The following ZNF654 variants were observed in gnomAD, a reference collection of about 807,000 sequenced individuals.
The protein encoded by ZNF654 is melanoma-associated antigen.
ZNF654 carries 19 observed loss-of-function variants against 95.3 expected under a neutral mutation model. The observed-to-expected ratio is 0.20, with a 90% CI of 0.14 to 0.29. The LOEUF is 0.29. Ranked by LOEUF, ZNF654 falls within the 10% of genes least tolerant of loss-of-function variation. The pLI, the probability that ZNF654 is intolerant of heterozygous loss-of-function variation, is 1.00. For missense variants in ZNF654, 1,046 were observed against 1,341.0 expected, an observed-to-expected ratio of 0.78 and a Z score of 3.44; for synonymous variants, 413 against 457.9, an observed-to-expected ratio of 0.90 and a Z score of 1.25.
At position 88,086,327 on chromosome 3, in the gene ZNF654, G is replaced by C. The variant is rs1187273675; in HGVS notation, c.257G>C (p.Cys86Ser). 1 of 1,535,040 alleles carries C rather than the reference G, an allele frequency of 6.5e-7. No individual in the cohort carries two copies. Among genetic ancestry groups the C allele is most frequent in the Non-Finnish European group, 8.7e-7 (1 of 1,146,702 alleles). The change falls in exon 2 of 9, where the codon TGT (cysteine) becomes TCT (serine). Residue 86 changes from cysteine (C) to serine (S), a missense_variant. Transcript: ENST00000636215. ...PQLQVLQTALCCFTTASASFP... is the reference protein window; with the variant it reads ...PQLQVLQTALSCFTTASASFP... ...CTTCAGGTTCTTCAGACTGCCCTTT[G>C]TTGTTTTACAACAGCCAGTGCATCA...
intron 1 of ZNF654, among the ~76,000 whole-genome samples, chr3:88,074,256 G>C (rs1707672714): frequency 6.6e-6 from 1 of 151,996 alleles, no homozygotes; most frequent in South Asian, 2.1e-4. Flanking sequence ...AGGAGCTGCA[G>C]CTTGGGTTTT....
chr3:88,099,209 C>T (rs1184663922), intron 2 of ZNF654, among the ~76,000 whole-genome samples: 2 of 152,170 alleles, frequency 1.3e-5, no homozygotes, highest in African/African-American at 4.8e-5. Context: ...AGAGCCAAAT[C>T]ATGAGTGAAC....
chr3:88,135,327 C>A, intron 7 of ZNF654, 125 bp downstream of exon 7: 1 of 706,998 alleles, frequency 1.4e-6, no homozygotes, highest in Non-Finnish European at 2.1e-6. Context: ...AGGCCACATT[C>A]TCCATACATT....
chr3:88,099,850 A>T (rs752224199), intron 2 of ZNF654, among the ~76,000 whole-genome samples: 89 of 152,374 alleles, frequency 5.8e-4, no homozygotes, highest in Non-Finnish European at 9.8e-4. Context: ...CTTAAATGTT[A>T]GACCTAAAAC....
intron 2 of ZNF654, among the ~76,000 whole-genome samples, chr3:88,104,617 C>T (rs1704622599): frequency 6.6e-6 from 1 of 152,066 alleles, no homozygotes; most frequent in Non-Finnish European, 1.5e-5. Flanking sequence ...CCTAAAGCAC[C>T]ATAATATTAT....
At chr3:88,101,563 ATATAT>A (rs1179597589) in intron 2 of ZNF654, among the ~76,000 whole-genome samples, 4 of 152,110 alleles carry the variant, frequency 2.6e-5, no homozygotes, top group Admixed American at 6.6e-5. Flanking sequence ...CAGTATATGG[ATATAT>A]TATATTTTAT....
Position 88,086,354 on chromosome 3 carries a change from T to A in ZNF654, c.284T>A (p.Phe95Tyr). ...TGTTTTACAACAGCCAGTGCATCATTCCCAGATGAATGTGAGCATGTACAA... is the reference window on the plus strand; with the variant it reads ...TGTTTTACAACAGCCAGTGCATCATACCCAGATGAATGTGAGCATGTACAA... ...LCCFTTASASFPDECEHVQYV... is the reference protein window; with the variant it reads ...LCCFTTASASYPDECEHVQYV... The change falls in exon 2 of 9, where the codon TTC becomes TAC. Residue 95 changes from phenylalanine (F) to tyrosine (Y), a missense_variant. By Grantham distance (22) the Phe-to-Tyr change is conservative (BLOSUM62 3). Transcript: ENST00000636215. The A allele has an allele frequency of 6.5e-7, 1 of 1,535,670 alleles. No individual in the cohort carries two copies. The highest frequency in any genetic ancestry group is 8.7e-7 in the Non-Finnish European group (1 of 1,146,718).
chr3:88,134,185 ACTC>A (rs1187611660), intron 6 of ZNF654, among the ~76,000 whole-genome samples: 1 of 151,650 alleles, frequency 6.6e-6, no homozygotes, highest in Non-Finnish European at 1.5e-5. Flanking sequence ...TGGTTTTACT[ACTC>A]ATATGTTGCT....
At chr3:88,083,945 A>ATATATATATATATATATATATATATATG (rs1708212375) in intron 1 of ZNF654, among the ~76,000 whole-genome samples, 1 of 4,768 alleles carries the variant, frequency 2.1e-4, no homozygotes, top group Non-Finnish European at 1.4e-3. Flanking sequence ...CTTATTTTAT[A>ATATATATATATATATATATATATATATG]TATATATATA....
In ZNF654 at chr3:88,102,519, C is replaced by T. The variant is rs57722356; in HGVS notation, c.333-10596C>T. ...AAGCGTGATGAAGGTCTTTTTGTGT[C>T]TTCCATTTCTTTACTTAACATGGTT... On this transcript the variant is annotated intron_variant, in intron 2 of 8. Coordinates refer to ENST00000636215, the MANE Select transcript of ZNF654 (RefSeq NM_001350134.2). Among the ~76,000 whole-genome samples, 463 of 152,238 alleles carry T rather than the reference C, an allele frequency of 3.0e-3. 3 individuals carry two copies. Among genetic ancestry groups the T allele is most frequent in the African/African-American group, 0.011 (445 of 41,542 alleles).
intron 4 of ZNF654, 98 bp from the exon 5 acceptor site, chr3:88,128,706 TAAATC>T: frequency 1.3e-6 from 1 of 763,526 alleles, no homozygotes; most frequent in Non-Finnish European, 2.0e-6. Flanking sequence ...TTTAAGTAGT[TAAATC>T]TAATTAGAAA....
chr3:88,139,909 A>G lies in ZNF654; in HGVS notation c.2240A>G (p.Lys747Arg), dbSNP rs536331654. The G allele has an allele frequency of 6.2e-7, 1 of 1,613,502 alleles. No homozygotes were observed. Among genetic ancestry groups the G allele is most frequent in the East Asian group, 2.2e-5 (1 of 44,856 alleles). ...GCCACAGATCAAGAAGGAAACTTTA[A>G]GTGTCCTGCTCTTGGTTGTGTCCGG... Reference protein sequence around the residue: ...IYATDQEGNFKCPALGCVRIF... With the variant: ...IYATDQEGNFRCPALGCVRIF... The change falls in exon 8 of 9, where the codon AAG (lysine) becomes AGG (arginine). Residue 747 changes from lysine (K) to arginine (R), a missense_variant. Coordinates refer to ENST00000636215, the MANE Select transcript of ZNF654 (RefSeq NM_001350134.2).
chr3:88,060,562 G>A (rs1706814729), intron 1 of ZNF654, among the ~76,000 whole-genome samples: 1 of 152,084 alleles, frequency 6.6e-6, no homozygotes, highest in Non-Finnish European at 1.5e-5. Flanking sequence ...TCAGATTCTG[G>A]CTCCACCATC....
rs1421071596 is a variant in ZNF654 at position 88,144,608 on chromosome 3, G to T, written c.*2956G>T. On this transcript the variant is annotated 3_prime_UTR_variant, in exon 9 of 9. Transcript: ENST00000636215. ...AATCAACAATAGTGTCTCATTTCAAGAAATTTTTTGTACTGTACATAGATT... is the reference window on the plus strand; with the variant it reads ...AATCAACAATAGTGTCTCATTTCAATAAATTTTTTGTACTGTACATAGATT... The T allele has an allele frequency of 1.3e-5, 2 of 152,320 alleles. No homozygotes were observed. The highest frequency in any genetic ancestry group is 2.9e-5 in the Non-Finnish European group (2 of 67,832). 9.4% of individuals were successfully genotyped at this position (152,320 alleles called of 1,614,324 possible). A position where few individuals can be genotyped will look rare whatever the true frequency, so the allele number is the denominator to read the frequency against.
At position 88,086,318 on chromosome 3, in the gene ZNF654, C is replaced by A; in HGVS notation, c.248C>A (p.Thr83Asn). 1 of 1,534,938 alleles carries A rather than the reference C, an allele frequency of 6.5e-7. No individual in the cohort carries two copies. Among genetic ancestry groups the A allele is most frequent in the Non-Finnish European group, 8.7e-7 (1 of 1,146,722 alleles). ...TTGCCACAGCTTCAGGTTCTTCAGA[C>A]TGCCCTTTGTTGTTTTACAACAGCC... is the stretch of plus-strand genomic sequence containing the variant. ...VPLPQLQVLQ[T>N]ALCCFTTASA... Residue 83 changes from threonine to asparagine, a missense_variant, in exon 2 of 9, where the codon ACT (threonine) becomes AAT (asparagine). Thr to Asn is a moderately conservative substitution (Grantham distance 65). Transcript: ENST00000636215.
At chr3:88,059,782 C>T (rs1423729147) in intron 1 of ZNF654, among the ~76,000 whole-genome samples, 1 of 152,090 alleles carries the variant, frequency 6.6e-6, no homozygotes, top group Non-Finnish European at 1.5e-5. Flanking sequence ...AAAGCTCTGT[C>T]CTGACATGCC....
intron 1 of ZNF654, among the ~76,000 whole-genome samples, chr3:88,084,535 A>C (rs1225669015): frequency 6.6e-6 from 1 of 152,186 alleles, no homozygotes; most frequent in African/African-American, 2.4e-5. Flanking sequence ...GAACTGCAAG[A>C]GCCAGACGAG....
At chr3:88,108,573 C>T (rs1335025301) in intron 2 of ZNF654, among the ~76,000 whole-genome samples, 2 of 152,156 alleles carry the variant, frequency 1.3e-5, no homozygotes, top group African/African-American at 4.8e-5. Flanking sequence ...TGAAATCTCA[C>T]ACCATCCCAA....
intron 6 of ZNF654, among the ~76,000 whole-genome samples, chr3:88,133,905 T>C (rs1170229614): frequency 6.6e-6 from 1 of 152,038 alleles, no homozygotes; most frequent in Non-Finnish European, 1.5e-5. Context: ...CAGACCAGAA[T>C]AGAGGAATGT....
Sources: allele counts gnomAD v4.1 joint callset (sites outside exome capture counted in the v4.1 genomes callset), GRCh38; gene constraint gnomAD v4.1.1; transcripts MANE v1.5; gene names NCBI Gene and HGNC (gene_info 2026-07-23, HGNC 2026-07-21).